Variants in REDIC1 observed in about 807,000 individuals in gnomAD.
REDIC1 encodes regulator of DNA class I crossover intermediates 1.
chr12:39,631,473 A>G, the REDIC1 span, among the ~76,000 whole-genome samples: 2 of 151,806 alleles, frequency 1.3e-5, no homozygotes, highest in African/African-American at 4.8e-5. Context: ...TTTTTTTTGT[A>G]GAAGAACAGA....
chr12:39,645,323 A>C, the REDIC1 span, among the ~76,000 whole-genome samples: 2 of 151,998 alleles, frequency 1.3e-5, no homozygotes, highest in African/African-American at 4.8e-5. Flanking sequence ...AACAGAAAGC[A>C]AGCTTTACTA....
the REDIC1 span, among the ~76,000 whole-genome samples, chr12:39,753,868 G>A: frequency 2.0e-5 from 3 of 152,104 alleles, no homozygotes; most frequent in African/African-American, 7.2e-5. Flanking sequence ...GGCAATGAGT[G>A]GTTCAGTAAT....
At chr12:39,677,022 A>G in the REDIC1 span, among the ~76,000 whole-genome samples, 1 of 80,194 alleles carries the variant, frequency 1.2e-5, no homozygotes, top group Non-Finnish European at 3.1e-5. Flanking sequence ...AAACAATAAC[A>G]CAATGAAAAA....
At chr12:39,653,553 TCTTC>T in the REDIC1 span, among the ~76,000 whole-genome samples, 32 of 106,592 alleles carry the variant, frequency 3.0e-4, no homozygotes, top group African/African-American at 4.1e-4. Context: ...TTCTTCTTCT[TCTTC>T]TTTCTTCTTC....
the REDIC1 span, chr12:39,835,605 T>C: frequency 6.6e-6 from 1 of 152,136 alleles, no homozygotes; most frequent in Non-Finnish European, 1.5e-5. Context: ...ATGGCCCTCA[T>C]TGTAACATAC....
At chr12:39,701,320 G>C in the REDIC1 span, among the ~76,000 whole-genome samples, 7 of 152,106 alleles carry the variant, frequency 4.6e-5, no homozygotes, top group Non-Finnish European at 8.8e-5. Context: ...TAAATCAACA[G>C]AGATCAAAAG....
the REDIC1 span, among the ~76,000 whole-genome samples, chr12:39,722,122 T>C: frequency 6.6e-6 from 1 of 152,058 alleles, no homozygotes; most frequent in Non-Finnish European, 1.5e-5. Context: ...TTGTTAGAGG[T>C]TTCTTTGCCT....
chr12:39,727,639 T>C, the REDIC1 span, among the ~76,000 whole-genome samples: 2 of 132,824 alleles, frequency 1.5e-5, no homozygotes, highest in African/African-American at 5.4e-5. Context: ...TTTAGCTTTT[T>C]CTAATTCTGT....
the REDIC1 span, among the ~76,000 whole-genome samples, chr12:39,783,394 G>C: frequency 3.0e-4 from 46 of 152,322 alleles, no homozygotes; most frequent in African/African-American, 1.1e-3. Context: ...CCAGCAATGG[G>C]ATGGCTGTGT....
the REDIC1 span, among the ~76,000 whole-genome samples, chr12:39,679,617 C>T: frequency 6.6e-6 from 1 of 152,106 alleles, no homozygotes; most frequent in Non-Finnish European, 1.5e-5. Context: ...ATACCAATAT[C>T]ATTCTTCACA....
the REDIC1 span, chr12:39,683,215 C>A: frequency 7.3e-7 from 1 of 1,367,926 alleles, no homozygotes; most frequent in Non-Finnish European, 9.9e-7. Flanking sequence ...TTTGTATATT[C>A]ATACACACAC....
the REDIC1 span, among the ~76,000 whole-genome samples, chr12:39,842,225 G>A: frequency 6.6e-6 from 1 of 152,046 alleles, no homozygotes; most frequent in African/African-American, 2.4e-5. Flanking sequence ...TAGAAGACCA[G>A]ATTAGAAATA....
chr12:39,628,906 T>C, the REDIC1 span, among the ~76,000 whole-genome samples: 1 of 152,216 alleles, frequency 6.6e-6, no homozygotes. Context: ...TCATTAATGT[T>C]AAGTGACTTG....
chr12:39,903,299 C>T, the REDIC1 span, among the ~76,000 whole-genome samples: 2 of 152,024 alleles, frequency 1.3e-5, no homozygotes, highest in Admixed American at 1.3e-4. Context: ...AATCAAAATG[C>T]TATATCTGAC....
the REDIC1 span, among the ~76,000 whole-genome samples, chr12:39,796,128 C>T: frequency 6.6e-6 from 1 of 152,268 alleles, no homozygotes; most frequent in South Asian, 2.1e-4. Context: ...TGGAATCATA[C>T]AGTATATCAC....
At chr12:39,742,475 T>C in the REDIC1 span, among the ~76,000 whole-genome samples, 1 of 152,194 alleles carries the variant, frequency 6.6e-6, no homozygotes, top group Admixed American at 6.5e-5. Context: ...TTTTTTGTTT[T>C]TAAAAATACA....
At chr12:39,759,820 G>C in the REDIC1 span, 2 of 532,338 alleles carry the variant, frequency 3.8e-6, no homozygotes, top group Non-Finnish European at 3.3e-6. Flanking sequence ...TAAAATCTCT[G>C]TAAATATTTT....
the REDIC1 span, among the ~76,000 whole-genome samples, chr12:39,885,154 A>C: frequency 6.6e-6 from 1 of 152,224 alleles, no homozygotes; most frequent in African/African-American, 2.4e-5. Flanking sequence ...CTCATGAGGC[A>C]AAAGAACTGA....
chr12:39,820,717 TTATATATATATATA>T, the REDIC1 span, among the ~76,000 whole-genome samples: 187 of 132,520 alleles, frequency 1.4e-3, no homozygotes, highest in Non-Finnish European at 2.2e-3. Context: ...ATTTTTAAAT[TTATATATATATATA>T]TATATATATA....
Sources: gnomAD v4.1 joint callset for allele counts (sites outside exome capture counted in the v4.1 genomes callset) on GRCh38, gnomAD v4.1.1 for gene constraint, MANE v1.5 for transcripts, NCBI Gene and HGNC (gene_info 2026-07-23, HGNC 2026-07-21) for gene names.